Variants in FLRT2 observed in about 807,000 individuals in gnomAD.
FLRT2 encodes fibronectin leucine rich transmembrane protein 2.
Under a neutral mutation model 40.0 loss-of-function variants are expected in FLRT2, and 15 were observed. The ratio of observed to expected loss-of-function variants is 0.38; its 90% confidence interval spans 0.25 to 0.58. The LOEUF is 0.58. Among genes scored for constraint, FLRT2 ranks in the 20% least tolerant of loss-of-function variants. FLRT2 has a pLI of 0.71. For synonymous variants in FLRT2, 380 were observed against 336.8 expected, an observed-to-expected ratio of 1.13 and a Z score of -1.41; for missense variants, 726 against 840.0, an observed-to-expected ratio of 0.86 and a Z score of 1.68.
At position 85,651,789 on chromosome 14, in the gene FLRT2, T is replaced by TCC. The variant is rs1160069452; in HGVS notation, c.*28292_*28293insCC. The stretch of plus-strand genomic sequence containing the variant: ...TTTCCCTCAATGGATTTGGAAGATA[T>TCC]ATGTTCTATTTTTATTTCTGTTGTT... On this transcript the variant is annotated 3_prime_UTR_variant, in exon 2 of 2. Transcript: ENST00000330753. 2.6e-5 allele frequency: 4 copies of TCC among 152,126 alleles called. No homozygotes were observed. The East Asian group carries it at 5.8e-4, about 22-fold the overall frequency. The allele number at this position is 152,126 out of a possible 1,614,324, so 9.4% of individuals were successfully genotyped here. A position where few individuals can be genotyped will look rare whatever the true frequency, so the allele number is the denominator to read the frequency against.
chr14:85,557,516 A>C (rs1283913781), intron 1 of FLRT2, among the ~76,000 whole-genome samples: 1 of 152,212 alleles, frequency 6.6e-6, no homozygotes, highest in Non-Finnish European at 1.5e-5. Flanking sequence ...ATAGAGTATA[A>C]AAACAAAAGC....
intron 1 of FLRT2, among the ~76,000 whole-genome samples, chr14:85,531,701 C>A (rs1000240436): frequency 2.0e-5 from 3 of 152,144 alleles, no homozygotes; most frequent in African/African-American, 4.8e-5. Flanking sequence ...TGTTCCCTTC[C>A]GATTAGCACC....
chr14:85,633,457 C>T lies in FLRT2; in HGVS notation c.*9960C>T, dbSNP rs1893930980. On this transcript the variant is annotated 3_prime_UTR_variant, in exon 2 of 2. Transcript: ENST00000330753. ...CAGAATATGTGGGTGTCAAAAGAGC[C>T]CCAGGAATGAGCATTCAGAAGGCAT... 1 of 151,680 alleles carries T rather than the reference C, an allele frequency of 6.6e-6. No individual in the cohort carries two copies. Among genetic ancestry groups the T allele is most frequent in the Non-Finnish European group, 1.5e-5 (1 of 67,946 alleles). 9.4% of individuals were successfully genotyped at this position (151,680 alleles called of 1,614,324 possible). A position where few individuals can be genotyped will look rare whatever the true frequency, so the allele number is the denominator to read the frequency against.
intron 1 of FLRT2, among the ~76,000 whole-genome samples, chr14:85,538,066 A>C (rs1218412968): frequency 1.3e-5 from 2 of 151,986 alleles, no homozygotes; most frequent in African/African-American, 4.8e-5. Flanking sequence ...CAAGCCTCCC[A>C]CTTACTGGCC....
chr14:85,560,607 T>G (rs115444589), intron 1 of FLRT2, among the ~76,000 whole-genome samples: 354 of 148,896 alleles, frequency 2.4e-3, no homozygotes, highest in African/African-American at 8.4e-3. Context: ...ATAAAAGAAA[T>G]AAATAAAAAA....
At chr14:85,609,535 T>C (rs965477777) in intron 1 of FLRT2, among the ~76,000 whole-genome samples, 2 of 152,214 alleles carry the variant, frequency 1.3e-5, no homozygotes, top group Admixed American at 6.5e-5. Context: ...GGGAATTTGT[T>C]TCATTTAGTC....
At chr14:85,598,135 TTATTGAGCAC>T (rs1427625992) in intron 1 of FLRT2, among the ~76,000 whole-genome samples, 1 of 152,252 alleles carries the variant, frequency 6.6e-6, no homozygotes, top group East Asian at 1.9e-4. Flanking sequence ...TCATTGCCAT[TTATTGAGCAC>T]TTACTCTATT....
At position 85,547,774 on chromosome 14, in the gene FLRT2, G is replaced by A. The variant is rs536718457; in HGVS notation, c.-377+17240G>A. 5.9e-5 allele frequency among the ~76,000 whole-genome samples: 9 copies of A among 152,244 alleles called. No homozygotes were observed. In the East Asian group the frequency reaches 1.5e-3, roughly 26 times the overall value. The stretch of plus-strand genomic sequence containing the variant: ...AGGAGGTCCTGAGGACGTGTGCCAG[G>A]GTAATAGGGGCACAGCTTGGTTTGT... On this transcript the variant is annotated intron_variant, in intron 1 of 1. Coordinates refer to ENST00000330753, the MANE Select transcript of FLRT2 (RefSeq NM_013231.6).
chr14:85,619,885 T>A (rs1269329867), intron 1 of FLRT2, among the ~76,000 whole-genome samples: 1 of 152,206 alleles, frequency 6.6e-6, no homozygotes, highest in Non-Finnish European at 1.5e-5. Context: ...CTCAACTGTG[T>A]CTTCTGTCAT....
rs113321279 is a variant in FLRT2 at position 85,540,604 on chromosome 14, T to C, written c.-377+10070T>C. 3.9e-3 allele frequency among the ~76,000 whole-genome samples: 596 copies of C among 152,278 alleles called. 4 individuals are homozygous for C. Among genetic ancestry groups the C allele is most frequent in the African/African-American group, 0.014 (577 of 41,560 alleles). ...TATAAAATACGTGGTTGGATCCCGA[T>C]TCTTGGCCAAAATGAGTATTTCTTT... On this transcript the variant is annotated intron_variant, in intron 1 of 1. Coordinates refer to ENST00000330753, the MANE Select transcript of FLRT2 (RefSeq NM_013231.6).
intron 1 of FLRT2, among the ~76,000 whole-genome samples, chr14:85,567,634 CATTTT>C (rs1890686436): frequency 7.9e-6 from 1 of 126,108 alleles, no homozygotes. Flanking sequence ...AAGTGACTTA[CATTTT>C]TTTTTTTTTT....
intron 1 of FLRT2, among the ~76,000 whole-genome samples, chr14:85,534,340 C>A (rs1221634059): frequency 6.6e-6 from 1 of 152,204 alleles, no homozygotes; most frequent in African/African-American, 2.4e-5. Flanking sequence ...CCTTCACACT[C>A]TCACCCGTTT....
chr14:85,557,827 TA>T lies in FLRT2; in HGVS notation c.-377+27296del, dbSNP rs1225781635. 3.8e-3 allele frequency among the ~76,000 whole-genome samples: 574 copies of T among 151,264 alleles called. 1 individual carries two copies. Among genetic ancestry groups the T allele is most frequent in the African/African-American group, 7.5e-3 (312 of 41,384 alleles). On this transcript the variant is annotated intron_variant, in intron 1 of 1. Transcript: ENST00000330753. ...GTAAAACTCCATTTCAATAAATAAA[TA>T]AATTAATTAATTAATTAATTAACAA...
At chr14:85,534,454 ATCC>A (rs1423516733) in intron 1 of FLRT2, among the ~76,000 whole-genome samples, 2 of 152,224 alleles carry the variant, frequency 1.3e-5, no homozygotes, top group Non-Finnish European at 2.9e-5. Context: ...AGGAAAAAAT[ATCC>A]TTTCCCCTTT....
rs1007049773 is a variant in FLRT2, at chr14:85,630,196, GAA to G, written c.*6701_*6702del. 14 of 150,190 alleles carry G rather than the reference GAA, an allele frequency of 9.3e-5. No homozygotes were observed. Among genetic ancestry groups the G allele is most frequent in the African/African-American group, 3.4e-4 (14 of 40,838 alleles). 9.3% of individuals were successfully genotyped at this position (150,190 alleles called of 1,614,324 possible). A position where few individuals can be genotyped will look rare whatever the true frequency, so the allele number is the denominator to read the frequency against. Reference sequence around the variant, plus strand: ...AAGCTTTATTTTCACTGGCTCTACTGAAAGTTAAGGATACAAAAGTTTTTAAT... The same window carrying G: ...AAGCTTTATTTTCACTGGCTCTACTGAGTTAAGGATACAAAAGTTTTTAAT... On this transcript the variant is annotated 3_prime_UTR_variant, in exon 2 of 2. Transcript: ENST00000330753.
At chr14:85,611,461 G>C (rs1255288083) in intron 1 of FLRT2, among the ~76,000 whole-genome samples, 1 of 152,174 alleles carries the variant, frequency 6.6e-6, no homozygotes, top group Non-Finnish European at 1.5e-5. Context: ...GAACCAACAA[G>C]GAAAGATTTT....
intron 1 of FLRT2, among the ~76,000 whole-genome samples, chr14:85,568,289 G>A (rs550684409): frequency 1.3e-5 from 2 of 152,152 alleles, no homozygotes; most frequent in South Asian, 4.2e-4. Context: ...TCTGCCCTAG[G>A]TAAGTCATTC....
At chr14:85,536,009 T>G (rs1888641060) in intron 1 of FLRT2, among the ~76,000 whole-genome samples, 1 of 145,550 alleles carries the variant, frequency 6.9e-6, no homozygotes, top group Non-Finnish European at 1.5e-5. Flanking sequence ...AGGGGATGCT[T>G]TTAGCAGAAG....
intron 1 of FLRT2, among the ~76,000 whole-genome samples, chr14:85,558,130 C>T (rs915639537): frequency 6.6e-6 from 1 of 152,082 alleles, no homozygotes; most frequent in African/African-American, 2.4e-5. Flanking sequence ...GATTGAAGCC[C>T]TCCATGTATT....
Sources: allele counts gnomAD v4.1 joint callset (sites outside exome capture counted in the v4.1 genomes callset), GRCh38; gene constraint gnomAD v4.1.1; transcripts MANE v1.5; gene names NCBI Gene and HGNC (gene_info 2026-07-23, HGNC 2026-07-21).